The following ZNF326 variants were observed in gnomAD, a reference collection of about 807,000 sequenced individuals.
ZNF326 encodes zinc finger protein 326, also known as DBIRD complex subunit ZNF326.
A neutral mutation model predicts 63.1 loss-of-function variants in ZNF326; 30 were observed. The ratio of observed to expected loss-of-function variants is 0.48; its 90% CI spans 0.36 to 0.64. The LOEUF (loss-of-function observed/expected upper bound fraction) is 0.64. Among genes scored for constraint, ZNF326 ranks in the 30% least tolerant of loss-of-function variants. ZNF326 has a pLI of 0.00. For missense variants in ZNF326, 609 were observed against 720.3 expected, an observed-to-expected ratio of 0.85 and a Z score of 1.77; for synonymous variants, 194 against 228.2, an observed-to-expected ratio of 0.85 and a Z score of 1.35.
Position 90,005,223 on chromosome 1 carries a change from G to A in ZNF326, c.188G>A (p.Ser63Asn). 6.2e-7 allele frequency: 1 copy of A among 1,611,556 alleles called. No individual in the cohort carries two copies. ...LNQSYGMDNH[S>N]GGGGGSRFGP... Reference sequence around the variant, plus strand: ...CAGTCATATGGCATGGACAATCACAGTGGTGGTGGTGGGGGTAGCAGGTAA... The same window carrying A: ...CAGTCATATGGCATGGACAATCACAATGGTGGTGGTGGGGGTAGCAGGTAA... The change falls in exon 4 of 12, where the codon AGT (serine) becomes AAT (asparagine). Residue 63 changes from serine (S) to asparagine (N), a missense_variant. Ser to Asn is a conservative substitution (Grantham distance 46). Coordinates refer to ENST00000340281, the MANE Select transcript of ZNF326 (RefSeq NM_182976.4).
At position 90,027,348 on chromosome 1, in the gene ZNF326, T is replaced by C. The variant is rs1650058417; in HGVS notation, c.1402-6T>C. 1 of 1,612,494 alleles carries C rather than the reference T, an allele frequency of 6.2e-7. No individual in the cohort carries two copies. Among genetic ancestry groups the C allele is most frequent in the African/African-American group, 1.3e-5 (1 of 74,798 alleles). On this transcript the variant is annotated splice_polypyrimidine_tract_variant and splice_region_variant and intron_variant, in intron 11 of 11. Coordinates refer to ENST00000340281, the MANE Select transcript of ZNF326 (RefSeq NM_182976.4). Reference sequence around the variant, plus strand: ...TGATTTTGAAAGCCATTTCTTATGTTTTTAGGGTGAGAATCCTTTTGAAAT... The same window carrying C: ...TGATTTTGAAAGCCATTTCTTATGTCTTTAGGGTGAGAATCCTTTTGAAAT...
chr1:90,018,010 C>T (rs1272193472), intron 8 of ZNF326, among the ~76,000 whole-genome samples: 1 of 152,046 alleles, frequency 6.6e-6, no homozygotes, highest in African/African-American at 2.4e-5. Context: ...ATACAATGAT[C>T]AGGCCGGGCG....
At position 90,030,237 on chromosome 1, in the gene ZNF326, T is replaced by G. The variant is rs1650211407; in HGVS notation, c.*2536T>G. The G allele has an allele frequency of 6.6e-6, 1 of 152,232 alleles. No individual in the cohort carries two copies. The highest frequency in any genetic ancestry group is 2.4e-5 in the African/African-American group (1 of 41,464). 9.4% of individuals were successfully genotyped at this position (152,232 alleles called of 1,614,324 possible). ...ACCAACCCAGTTCAAGTCATGATAA[T>G]TTCTTGTTAACTAATCTTGATTCCA... On this transcript the variant is annotated 3_prime_UTR_variant, in exon 12 of 12. Transcript: ENST00000340281.
rs1650193142 is a variant in ZNF326 at position 90,029,960 on chromosome 1, G to A, written c.*2259G>A. 6.6e-6 allele frequency: 1 copy of A among 152,132 alleles called. No individual in the cohort carries two copies. Among genetic ancestry groups the A allele is most frequent in the Admixed American group, 6.5e-5 (1 of 15,278 alleles). The allele number at this position is 152,132 out of a possible 1,614,324, so 9.4% of individuals were successfully genotyped here. ...TATATTTGCATTGCTTTTGTAATAA[G>A]GATGTATATAAGATCTTAAACGCCT... is the stretch of plus-strand genomic sequence containing the variant. On this transcript the variant is annotated 3_prime_UTR_variant, in exon 12 of 12. Transcript: ENST00000340281.
rs1034287577 is a variant in ZNF326, at chr1:90,028,823, T to G, written c.*1122T>G. On this transcript the variant is annotated 3_prime_UTR_variant, in exon 12 of 12. Transcript: ENST00000340281. ...CTTTTGAGAGTAGGGTCCGTAGTTT[T>G]TTTTTTTTTTCTTTTTTGGGACAGG... The G allele has an allele frequency of 6.6e-6, 1 of 152,048 alleles. No homozygotes were observed. The highest frequency in any genetic ancestry group is 1.5e-5 in the Non-Finnish European group (1 of 68,022). 9.4% of individuals were successfully genotyped at this position (152,048 alleles called of 1,614,324 possible).
rs780365345 is a variant in ZNF326 at position 90,027,658 on chromosome 1, A to C, written c.1706A>C (p.Glu569Ala). Reference protein sequence around the residue: ...VEELEEETAKEEPADFPVEQP... With the variant: ...VEELEEETAKAEPADFPVEQP... ...GAATTAGAGGAAGAGACAGCAAAGGAAGAACCTGCTGACTTCCCTGTTGAG... is the reference window on the plus strand; with the variant it reads ...GAATTAGAGGAAGAGACAGCAAAGGCAGAACCTGCTGACTTCCCTGTTGAG... Residue 569 changes from glutamate (E) to alanine (A), a missense_variant, in exon 12 of 12, where the codon GAA (glutamate) becomes GCA (alanine). Around this residue, in one of 3 missense-constraint regions of ZNF326, gnomAD observed 399 missense variants for 444.3 expected, o/e 0.90. Coordinates refer to ENST00000340281, the MANE Select transcript of ZNF326 (RefSeq NM_182976.4). 4 of 1,614,068 alleles carry C rather than the reference A, an allele frequency of 2.5e-6. No homozygotes were observed. The highest frequency in any genetic ancestry group is 3.4e-6 in the Non-Finnish European group (4 of 1,180,006).
At chr1:90,023,519 G>A (rs555388374) in intron 11 of ZNF326, among the ~76,000 whole-genome samples, 8 of 151,958 alleles carry the variant, frequency 5.3e-5, no homozygotes, top group South Asian at 4.2e-4. Flanking sequence ...TCTAATATTC[G>A]TTAATATTTG....
chr1:90,020,720 T>A, intron 9 of ZNF326, 72 bp from the exon 10 acceptor site: 1 of 1,450,232 alleles, frequency 6.9e-7, no homozygotes. Context: ...TCATGGAAAT[T>A]AAGTAGTAAA....
rs760321252 is a variant in ZNF326, at chr1:89,998,101, T to A, written c.17-9T>A. ...CACTAATTCCTTTTTGTTAAATGTGTCTTCATAGATTACACACACTCCGCC... is the reference window on the plus strand; with the variant it reads ...CACTAATTCCTTTTTGTTAAATGTGACTTCATAGATTACACACACTCCGCC... On this transcript the variant is annotated splice_polypyrimidine_tract_variant and intron_variant, in intron 1 of 11. Coordinates refer to ENST00000340281, the MANE Select transcript of ZNF326 (RefSeq NM_182976.4). 3 of 1,611,644 alleles carry A rather than the reference T, an allele frequency of 1.9e-6. No homozygotes were observed. Among genetic ancestry groups the A allele is most frequent in the Non-Finnish European group, 2.5e-6 (3 of 1,179,288 alleles).
chr1:90,009,938 G>A (rs1649156930), intron 5 of ZNF326, 150 bp from the exon 6 acceptor site: 2 of 654,920 alleles, frequency 3.1e-6, no homozygotes, highest in Non-Finnish European at 5.1e-6. Flanking sequence ...GTTTTTCAAT[G>A]TGTTTTTTCA....
At chr1:89,995,962 A>G (rs1160870676) in intron 1 of ZNF326, among the ~76,000 whole-genome samples, 1 of 152,208 alleles carries the variant, frequency 6.6e-6, no homozygotes, top group African/African-American at 2.4e-5. Context: ...ATTTAAGTTA[A>G]TCAGAATTTT....
Position 90,027,578 on chromosome 1 carries a change from G to A in ZNF326, c.1626G>A (p.Gly542=). 1.2e-6 allele frequency: 2 copies of A among 1,610,294 alleles called. No individual in the cohort carries two copies. Among genetic ancestry groups the A allele is most frequent in the South Asian group, 1.1e-5 (1 of 90,800 alleles). ...ATATACAGGGAGTAGGGGAAGGAGG[G>A]GAAGTAGGGGTAGTGGGAGAAGTAG... is the stretch of plus-strand genomic sequence containing the variant. ...EGNIQGVGEG[G]EVGVVGEVEG... is the part of the protein sequence containing the mutation. Residue 542 remains glycine, a synonymous_variant, in exon 12 of 12, where the codon GGG becomes GGA. Transcript: ENST00000340281.
chr1:90,027,592 T>C lies in ZNF326; in HGVS notation c.1640T>C (p.Val547Ala), dbSNP rs1395177746. The C allele has an allele frequency of 1.9e-6, 3 of 1,604,804 alleles. No individual in the cohort carries two copies. Among genetic ancestry groups the C allele is most frequent in the African/African-American group, 2.7e-5 (2 of 72,902 alleles). The change falls in exon 12 of 12, where the codon GTG becomes GCG. Residue 547 changes from valine to alanine, a missense_variant. By Grantham distance (64) the Val-to-Ala change is moderately conservative (BLOSUM62 0). Around this residue, in one of 3 missense-constraint regions of ZNF326, gnomAD observed 399 missense variants for 444.3 expected, o/e 0.90. Coordinates refer to ENST00000340281, the MANE Select transcript of ZNF326 (RefSeq NM_182976.4). Reference sequence around the variant, plus strand: ...GGGGAAGGAGGGGAAGTAGGGGTAGTGGGAGAAGTAGAGGGAGTGGGGGAA... The same window carrying C: ...GGGGAAGGAGGGGAAGTAGGGGTAGCGGGAGAAGTAGAGGGAGTGGGGGAA... ...GVGEGGEVGV[V>A]GEVEGVGEVE...
intron 10 of ZNF326, among the ~76,000 whole-genome samples, chr1:90,021,908 G>A (rs1479316968): frequency 6.6e-6 from 1 of 152,074 alleles, no homozygotes; most frequent in Non-Finnish European, 1.5e-5. Context: ...TACTCTTGTA[G>A]TATGAAAAAT....
intron 8 of ZNF326, among the ~76,000 whole-genome samples, chr1:90,017,932 G>C (rs1438391841): frequency 6.6e-6 from 1 of 152,204 alleles, no homozygotes; most frequent in African/African-American, 2.4e-5. Flanking sequence ...GAAGGGGCTT[G>C]AGCTGGACTG....
chr1:90,002,980 G>GA (rs1310039241), intron 2 of ZNF326, among the ~76,000 whole-genome samples: 1 of 152,064 alleles, frequency 6.6e-6, no homozygotes, highest in African/African-American at 2.4e-5. Flanking sequence ...CAACCTTTCA[G>GA]AAAGCCTTTA....
chr1:90,005,481 A>T, intron 4 of ZNF326: 1 of 1,171,598 alleles, frequency 8.5e-7, no homozygotes. Flanking sequence ...ATAGAGTAAG[A>T]TACACTTTTT....
intron 8 of ZNF326, among the ~76,000 whole-genome samples, chr1:90,017,981 A>C (rs1347996995): frequency 6.6e-6 from 1 of 152,134 alleles, no homozygotes; most frequent in African/African-American, 2.4e-5. Flanking sequence ...GAAGAGGTGG[A>C]ATTATTAGAA....
intron 6 of ZNF326, among the ~76,000 whole-genome samples, chr1:90,012,412 A>G (rs1430669654): frequency 6.6e-6 from 1 of 152,224 alleles, no homozygotes; most frequent in African/African-American, 2.4e-5. Flanking sequence ...TCCGTAGATC[A>G]GAAAGCAGAT....
Sources: gnomAD v4.1 joint callset for allele counts (sites outside exome capture counted in the v4.1 genomes callset) on GRCh38, gnomAD v4.1.1 for gene constraint, gnomAD v4.1.1 regional missense constraint, MANE v1.5 for transcripts, NCBI Gene and HGNC (gene_info 2026-07-23, HGNC 2026-07-21) for gene names.